The following SYT1 variants were observed in gnomAD, a reference collection of about 807,000 sequenced individuals.
The protein encoded by SYT1 is synaptotagmin-1.
SYT1 carries 8 observed loss-of-function variants against 44.8 expected under a neutral mutation model. That is an observed-to-expected ratio of 0.18 (90% CI 0.10 to 0.32). The LOEUF is 0.32. SYT1 is among the 10% of genes least tolerant of loss of function. The pLI is 1.00. For missense variants in SYT1, 286 were observed against 509.3 expected (o/e 0.56, Z 4.22); for synonymous variants, 154 against 188.8 (o/e 0.82, Z 1.51).
At chr12:79,136,392 C>T (rs1006375706) in intron 3 of SYT1, among the ~76,000 whole-genome samples, 1 of 152,136 alleles carries the variant, frequency 6.6e-6, no homozygotes, top group Non-Finnish European at 1.5e-5. Flanking sequence ...GGAATTGGAA[C>T]CCAATGTACT....
intron 1 of SYT1, among the ~76,000 whole-genome samples, chr12:78,888,951 A>G (rs1874895278): frequency 6.6e-6 from 1 of 151,888 alleles, no homozygotes; most frequent in African/African-American, 2.4e-5. Flanking sequence ...GAAAAAGGCA[A>G]TTGTAATTAG....
At chr12:78,881,898 G>A (rs1314285615) in intron 1 of SYT1, among the ~76,000 whole-genome samples, 1 of 151,626 alleles carries the variant, frequency 6.6e-6, no homozygotes, top group African/African-American at 2.4e-5. Context: ...CATCCCTCAG[G>A]CATCTGCTTA....
intron 2 of SYT1, among the ~76,000 whole-genome samples, chr12:78,994,533 G>GA (rs1555187400): frequency 3.3e-5 from 4 of 121,576 alleles, no homozygotes; most frequent in Admixed American, 8.3e-5. Flanking sequence ...TTGTTCTGAG[G>GA]ATTTTTTTTT....
At chr12:79,410,014 C>T (rs761262671) in intron 9 of SYT1, among the ~76,000 whole-genome samples, 1 of 151,886 alleles carries the variant, frequency 6.6e-6, no homozygotes, top group Non-Finnish European at 1.5e-5. Context: ...TCTTTTATTG[C>T]TCATATCTTC....
At chr12:79,306,524 A>G (rs1331298630) in intron 8 of SYT1, among the ~76,000 whole-genome samples, 2 of 152,232 alleles carry the variant, frequency 1.3e-5, no homozygotes, top group Non-Finnish European at 1.5e-5. Flanking sequence ...TGTGAGTTTT[A>G]TATTCTGATT....
intron 2 of SYT1, among the ~76,000 whole-genome samples, chr12:78,981,660 C>T (rs865797441): frequency 6.6e-6 from 1 of 152,006 alleles, no homozygotes; most frequent in Admixed American, 6.6e-5. Context: ...GGAATTCTAC[C>T]CTTTGTTTCT....
rs1417317558 is a variant in SYT1 at position 79,439,892 on chromosome 12, GT to G, written c.929-4180del. On this transcript the variant is annotated intron_variant, in intron 9 of 10. Transcript: ENST00000261205. The stretch of plus-strand genomic sequence containing the variant: ...TATCACAAAGAGCAGCAGGTTTGGA[GT>G]CAGGATAGACTGGCTTGAATTCTTT... 1.8e-4 allele frequency among the ~76,000 whole-genome samples: 26 copies of G among 147,636 alleles called. No individual in the cohort carries two copies. In the South Asian group the frequency reaches 5.5e-3, roughly 31 times the overall value.
chr12:78,883,963 G>T (rs1429713510), intron 1 of SYT1, among the ~76,000 whole-genome samples: 1 of 151,112 alleles, frequency 6.6e-6, no homozygotes, highest in African/African-American at 2.4e-5. Context: ...AAATATTTTA[G>T]CTTGTTTTTT....
At chr12:79,097,092 T>C (rs1225638759) in intron 3 of SYT1, among the ~76,000 whole-genome samples, 1 of 151,984 alleles carries the variant, frequency 6.6e-6, no homozygotes, top group East Asian at 1.9e-4. Context: ...AAGTGTTGCA[T>C]GTAAGGGGGC....
intron 1 of SYT1, among the ~76,000 whole-genome samples, chr12:78,975,143 ACTTTT>A (rs1868730068): frequency 8.2e-6 from 1 of 122,670 alleles, no homozygotes; most frequent in Non-Finnish European, 1.6e-5. Flanking sequence ...ACTCCTGGTC[ACTTTT>A]TAATACCGAA....
chr12:79,188,571 G>A (rs1248162324), intron 3 of SYT1, among the ~76,000 whole-genome samples: 1 of 151,972 alleles, frequency 6.6e-6, no homozygotes, highest in African/African-American at 2.4e-5. Flanking sequence ...TTTTTTACAA[G>A]GGTTGACCAC....
intron 9 of SYT1, among the ~76,000 whole-genome samples, chr12:79,426,467 A>G (rs1219225399): frequency 1.3e-5 from 2 of 152,184 alleles, no homozygotes; most frequent in Non-Finnish European, 2.9e-5. Flanking sequence ...CACAATCTTC[A>G]GAAGAATGAT....
chr12:79,223,653 T>C (rs1393460647), intron 4 of SYT1, among the ~76,000 whole-genome samples: 1 of 152,134 alleles, frequency 6.6e-6, no homozygotes, highest in Admixed American at 6.5e-5. Context: ...TGCTGCCTGC[T>C]GCTGAGGGTG....
intron 2 of SYT1, among the ~76,000 whole-genome samples, chr12:79,014,422 C>A (rs1447200444): frequency 6.6e-6 from 1 of 152,060 alleles, no homozygotes; most frequent in Admixed American, 6.6e-5. Flanking sequence ...AATGCATTCT[C>A]AAAAGAAGAC....
chr12:78,960,896 C>T (rs934413961), intron 1 of SYT1, among the ~76,000 whole-genome samples: 2 of 152,032 alleles, frequency 1.3e-5, no homozygotes, highest in African/African-American at 2.4e-5. Context: ...TTGGAGCATA[C>T]GGTAGAGGTG....
intron 3 of SYT1, among the ~76,000 whole-genome samples, chr12:79,162,519 A>G (rs1358333576): frequency 6.6e-6 from 1 of 152,146 alleles, no homozygotes; most frequent in Non-Finnish European, 1.5e-5. Context: ...ATCTAGAGCT[A>G]AACAAAATCA....
rs978880408 is a variant in SYT1 at position 78,977,793 on chromosome 12, C to G, written c.-216-6C>G. The G allele has an allele frequency of 6.0e-4, 91 of 152,348 alleles. No homozygotes were observed. Among genetic ancestry groups the G allele is most frequent in the Middle Eastern group, 3.4e-3 (1 of 294 alleles). 9.4% of individuals were successfully genotyped at this position (152,348 alleles called of 1,614,324 possible). A position where few individuals can be genotyped will look rare whatever the true frequency, so the allele number is the denominator to read the frequency against. On this transcript the variant is annotated splice_region_variant and splice_polypyrimidine_tract_variant and intron_variant, in intron 1 of 10. Coordinates refer to ENST00000261205, the MANE Select transcript of SYT1 (RefSeq NM_005639.3). ...TCACAGATTCTATTATTCTCTCTCT[C>G]TCAAGGGAAAACGGGAAAACTAGCA... is the stretch of plus-strand genomic sequence containing the variant.
intron 3 of SYT1, among the ~76,000 whole-genome samples, chr12:79,050,417 A>G (rs922350633): frequency 7.2e-5 from 11 of 151,996 alleles, no homozygotes; most frequent in African/African-American, 2.7e-4. Context: ...CGTGTTGTTC[A>G]AGTGTCAACT....
At chr12:78,981,154 T>A (rs1869232517) in intron 2 of SYT1, among the ~76,000 whole-genome samples, 1 of 139,264 alleles carries the variant, frequency 7.2e-6, no homozygotes, top group African/African-American at 2.6e-5. Context: ...TGAGACGGAG[T>A]TTTGCTCATG....
Sources: allele counts gnomAD v4.1 joint callset (sites outside exome capture counted in the v4.1 genomes callset), GRCh38; gene constraint gnomAD v4.1.1; transcripts MANE v1.5; gene names NCBI Gene and HGNC (gene_info 2026-07-23, HGNC 2026-07-21).